KCNIP4: variants seen among roughly 807,000 people sequenced by gnomAD.
KCNIP4 encodes the protein Kv channel-interacting protein 4.
In KCNIP4, 12 loss-of-function variants were observed where a neutral mutation model predicts 34.0. That is an observed-to-expected ratio of 0.35 (90% CI 0.23 to 0.57). The LOEUF (loss-of-function observed/expected upper bound fraction) is 0.57. Among genes scored for constraint, KCNIP4 ranks in the 20% least tolerant of loss-of-function variants. The pLI, the probability that KCNIP4 is intolerant of heterozygous loss-of-function variation, is 0.83. For synonymous variants in KCNIP4, 124 were observed against 102.2 expected (o/e 1.21, Z -1.29); for missense variants, 238 against 311.7 (o/e 0.76, Z 1.78).
Position 20,776,238 on chromosome 4 carries a change from A to G in KCNIP4, c.289-17348T>C, listed in dbSNP as rs567646764. On this transcript the variant is annotated intron_variant, in intron 3 of 8. Coordinates refer to ENST00000382152, the MANE Select transcript of KCNIP4 (RefSeq NM_025221.6). ...CTCTCTAGTGAGGCATAAAGCTAAA[A>G]GTTTTATGTTTTTGCCCCGTAAGGA... Among the ~76,000 whole-genome samples the G allele has an allele frequency of 1.3e-3, 200 of 152,314 alleles. 4 individuals are homozygous for G. In the South Asian group the frequency reaches 0.04, roughly 30 times the overall value.
At chr4:21,390,879 G>A (rs1332619172) in intron 1 of KCNIP4, among the ~76,000 whole-genome samples, 1 of 152,004 alleles carries the variant, frequency 6.6e-6, no homozygotes, top group African/African-American at 2.4e-5. Flanking sequence ...ATTTTTTGAG[G>A]AACTGTCAGA....
intron 1 of KCNIP4, among the ~76,000 whole-genome samples, chr4:21,554,122 A>G (rs1035261184): frequency 3.9e-5 from 6 of 152,138 alleles, no homozygotes; most frequent in African/African-American, 1.4e-4. Flanking sequence ...CTCTTTGGAG[A>G]CAGCAGTCAG....
At chr4:21,230,631 C>T (rs1380307504) in intron 1 of KCNIP4, among the ~76,000 whole-genome samples, 1 of 152,106 alleles carries the variant, frequency 6.6e-6, no homozygotes, top group Non-Finnish European at 1.5e-5. Flanking sequence ...TTTTTCTGTT[C>T]CTGCATTACT....
intron 1 of KCNIP4, among the ~76,000 whole-genome samples, chr4:21,519,255 C>T (rs548212242): frequency 1.3e-5 from 2 of 151,580 alleles, no homozygotes; most frequent in African/African-American, 4.8e-5. Flanking sequence ...TGTGAGGATA[C>T]CTTGAGAAAT....
intron 1 of KCNIP4, among the ~76,000 whole-genome samples, chr4:21,000,457 G>A (rs1435108062): frequency 6.6e-6 from 1 of 152,094 alleles, no homozygotes; most frequent in Non-Finnish European, 1.5e-5. Context: ...GGCCGAGGCA[G>A]GCAGATCACA....
chr4:21,749,865 T>A (rs1717031868), intron 1 of KCNIP4, among the ~76,000 whole-genome samples: 1 of 152,166 alleles, frequency 6.6e-6, no homozygotes, highest in African/African-American at 2.4e-5. Context: ...CTATGTCTCA[T>A]CACTATATAT....
At chr4:20,785,010 T>G (rs976630027) in intron 3 of KCNIP4, among the ~76,000 whole-genome samples, 1 of 152,150 alleles carries the variant, frequency 6.6e-6, no homozygotes, top group Admixed American at 6.6e-5. Context: ...GATCCTCCCC[T>G]AACCCCACCC....
chr4:21,868,814 C>G (rs1246297121), intron 1 of KCNIP4, among the ~76,000 whole-genome samples: 1 of 152,114 alleles, frequency 6.6e-6, no homozygotes, highest in East Asian at 1.9e-4. Flanking sequence ...TCATATCACG[C>G]CTCCAGAACA....
chr4:21,696,017 T>C (rs886974524), intron 1 of KCNIP4, among the ~76,000 whole-genome samples: 39 of 152,228 alleles, frequency 2.6e-4, no homozygotes, highest in African/African-American at 9.1e-4. Context: ...AGCTCCGAGT[T>C]GGCAAAAGTC....
intron 1 of KCNIP4, among the ~76,000 whole-genome samples, chr4:21,226,540 A>C (rs149688939): frequency 0.013 from 2,040 of 151,994 alleles, 50 homozygotes; most frequent in African/African-American, 0.047. Flanking sequence ...AGGATGCTTT[A>C]TTTTTATGGA....
chr4:21,388,412 T>C (rs143107401), intron 1 of KCNIP4, among the ~76,000 whole-genome samples: 7 of 152,090 alleles, frequency 4.6e-5, no homozygotes, highest in African/African-American at 1.7e-4. Context: ...AATGAGTAAG[T>C]GAGATAATTT....
At chr4:20,933,457 T>G (rs1577389559) in intron 1 of KCNIP4, among the ~76,000 whole-genome samples, 2 of 152,294 alleles carry the variant, frequency 1.3e-5, no homozygotes, top group East Asian at 1.9e-4. Flanking sequence ...GAGTAGCACC[T>G]AAATCTACCA....
chr4:21,093,191 C>A (rs1189861727), intron 1 of KCNIP4, among the ~76,000 whole-genome samples: 1 of 152,126 alleles, frequency 6.6e-6, no homozygotes, highest in Admixed American at 6.5e-5. Flanking sequence ...TTGTACATGA[C>A]CCTTCATAAA....
chr4:21,662,225 G>C (rs894162846), intron 1 of KCNIP4, among the ~76,000 whole-genome samples: 1 of 152,182 alleles, frequency 6.6e-6, no homozygotes, highest in African/African-American at 2.4e-5. Flanking sequence ...TCGAGCTTGG[G>C]AAGATACTGA....
At chr4:21,809,129 G>A (rs183026220) in intron 1 of KCNIP4, among the ~76,000 whole-genome samples, 4 of 135,186 alleles carry the variant, frequency 3.0e-5, no homozygotes, top group Non-Finnish European at 6.5e-5. Flanking sequence ...GTTTCCAGAA[G>A]ACATTAGCAT....
At chr4:21,078,851 G>C (rs1745749269) in intron 1 of KCNIP4, among the ~76,000 whole-genome samples, 1 of 152,034 alleles carries the variant, frequency 6.6e-6, no homozygotes, top group Non-Finnish European at 1.5e-5. Context: ...CTCTGCCCCT[G>C]GGGAGGCGAA....
chr4:21,534,801 C>T lies in KCNIP4; in HGVS notation c.61+413770G>A, dbSNP rs185033038. On this transcript the variant is annotated intron_variant, in intron 1 of 8. Coordinates refer to ENST00000382152, the MANE Select transcript of KCNIP4 (RefSeq NM_025221.6). ...AACCTCAGAAATAGCCCAGTGCCTGCAGGGGATGGTGCTGCAGCTTCAGAC... is the reference window on the plus strand; with the variant it reads ...AACCTCAGAAATAGCCCAGTGCCTGTAGGGGATGGTGCTGCAGCTTCAGAC... Among the ~76,000 whole-genome samples, 29 of 152,236 alleles carry T rather than the reference C, an allele frequency of 1.9e-4. No individual in the cohort carries two copies. The East Asian group carries it at 3.1e-3, about 16-fold the overall frequency.
intron 8 of KCNIP4, 98 bp from the exon 9 acceptor site, chr4:20,730,227 C>CAACCA: frequency 7.1e-7 from 1 of 1,401,164 alleles, no homozygotes. Context: ...TCAACCACCT[C>CAACCA]AACCACCTAT....
At chr4:20,940,891 A>C (rs1237207930) in intron 1 of KCNIP4, among the ~76,000 whole-genome samples, 2 of 152,216 alleles carry the variant, frequency 1.3e-5, no homozygotes, top group African/African-American at 4.8e-5. Context: ...ACTGTGGAGA[A>C]AATATGGGCT....
Sources: gnomAD v4.1 joint callset for allele counts (sites outside exome capture counted in the v4.1 genomes callset) on GRCh38, gnomAD v4.1.1 for gene constraint, MANE v1.5 for transcripts, NCBI Gene and HGNC (gene_info 2026-07-23, HGNC 2026-07-21) for gene names.